NETO2: variants seen among roughly 807,000 people sequenced by gnomAD.
NETO2 encodes the protein neuropilin and tolloid-like protein 2.
A neutral mutation model predicts 62.5 loss-of-function variants in NETO2; 28 were observed. The ratio of observed to expected loss-of-function variants is 0.45; its 90% CI spans 0.33 to 0.61. The LOEUF (loss-of-function observed/expected upper bound fraction) is 0.61. Among genes scored for constraint, NETO2 ranks in the 20% least tolerant of loss-of-function variants. The pLI, the probability that NETO2 is intolerant of heterozygous loss-of-function variation, is 0.02. For missense variants in NETO2, 548 were observed against 643.2 expected (o/e 0.85, Z 1.60); for synonymous variants, 214 against 219.1 (o/e 0.98, Z 0.21).
chr16:47,080,635 T>C lies in NETO2; in HGVS notation c.*2586A>G, dbSNP rs1963046739. 1 of 152,222 alleles carries C rather than the reference T, an allele frequency of 6.6e-6. No homozygotes were observed. The allele number at this position is 152,222 out of a possible 1,614,324, so 9.4% of individuals were successfully genotyped here. A position where few individuals can be genotyped will look rare whatever the true frequency, so the allele number is the denominator to read the frequency against. ...AATGAGATCTAATGCCCATCTATGA[T>C]TCAATGAAGGTGTATAACATGTGAC... On this transcript the variant is annotated 3_prime_UTR_variant, in exon 9 of 9. Coordinates refer to ENST00000562435, the MANE Select transcript of NETO2 (RefSeq NM_018092.5).
chr16:47,122,842 G>A, intron 5 of NETO2, 26 bp downstream of exon 5: 1 of 1,613,930 alleles, frequency 6.2e-7, no homozygotes. Context: ...AAAATGCCAA[G>A]AGGAACAAGT....
At chr16:47,121,571 G>A (rs1964041995) in intron 6 of NETO2, among the ~76,000 whole-genome samples, 1 of 152,152 alleles carries the variant, frequency 6.6e-6, no homozygotes, top group Non-Finnish European at 1.5e-5. Flanking sequence ...AGAAAAACAA[G>A]CTTCTTTGTC....
Position 47,122,791 on chromosome 16 carries a change from G to A in NETO2, c.527-7C>T. The A allele has an allele frequency of 6.2e-7, 1 of 1,613,894 alleles. No homozygotes were observed. The highest frequency in any genetic ancestry group is 1.3e-5 in the African/African-American group (1 of 74,980). On this transcript the variant is annotated splice_region_variant and splice_polypyrimidine_tract_variant and intron_variant, in intron 5 of 8. Transcript: ENST00000562435. ...GAGAGCTCGAACTGACAATCTGGAA[G>A]GAATACATGAAAGGTGTTCAAAGGA...
intron 7 of NETO2, among the ~76,000 whole-genome samples, chr16:47,090,512 G>C (rs939841111): frequency 6.6e-6 from 1 of 152,080 alleles, no homozygotes; most frequent in Non-Finnish European, 1.5e-5. Context: ...TCCACTTATA[G>C]CCTGAGAACT....
At chr16:47,090,051 C>T (rs576117751) in intron 7 of NETO2, among the ~76,000 whole-genome samples, 3 of 152,066 alleles carry the variant, frequency 2.0e-5, no homozygotes, top group East Asian at 1.9e-4. Flanking sequence ...CCTTGACATT[C>T]GGATTTCATG....
chr16:47,136,988 A>T (rs1964372558), intron 1 of NETO2, among the ~76,000 whole-genome samples: 1 of 152,350 alleles, frequency 6.6e-6, no homozygotes, highest in Non-Finnish European at 1.5e-5. Flanking sequence ...CAAAACCCAA[A>T]AATTCAGCCT....
At chr16:47,088,712 C>T (rs1963250205) in intron 7 of NETO2, among the ~76,000 whole-genome samples, 1 of 152,060 alleles carries the variant, frequency 6.6e-6, no homozygotes, top group South Asian at 2.1e-4. Flanking sequence ...TTTCTCCCCT[C>T]CAAAGAGAAG....
chr16:47,103,277 C>T (rs1441982390), intron 7 of NETO2, among the ~76,000 whole-genome samples: 1 of 152,110 alleles, frequency 6.6e-6, no homozygotes, highest in Non-Finnish European at 1.5e-5. Flanking sequence ...AGGAACGTCA[C>T]ACACCGGGGC....
chr16:47,139,041 A>G (rs1596753883), intron 1 of NETO2, among the ~76,000 whole-genome samples: 1 of 151,918 alleles, frequency 6.6e-6, no homozygotes, highest in Non-Finnish European at 1.5e-5. Flanking sequence ...GCTTTACTTC[A>G]TTATTATATT....
rs1964276424 is a variant in NETO2, at chr16:47,132,042, G to A, written c.35-17C>T. 6.3e-7 allele frequency: 1 copy of A among 1,595,764 alleles called. No individual in the cohort carries two copies. Among genetic ancestry groups the A allele is most frequent in the South Asian group, 1.1e-5 (1 of 89,984 alleles). On this transcript the variant is annotated splice_polypyrimidine_tract_variant and intron_variant, in intron 1 of 8. Coordinates refer to ENST00000562435, the MANE Select transcript of NETO2 (RefSeq NM_018092.5). ...TTAACAACACTAGAGAAATAACAGA[G>A]AAGAAAAGTTATGAAATTGAATCTA...
intron 7 of NETO2, among the ~76,000 whole-genome samples, chr16:47,096,311 T>A (rs188541652): frequency 5.9e-5 from 9 of 151,988 alleles, no homozygotes; most frequent in Admixed American, 4.6e-4. Flanking sequence ...TAATAAAGAT[T>A]TGAGTGACAA....
At chr16:47,112,067 T>C (rs1738375934) in intron 6 of NETO2, among the ~76,000 whole-genome samples, 1 of 152,184 alleles carries the variant, frequency 6.6e-6, no homozygotes, top group South Asian at 2.1e-4. Context: ...CTTTTGTATA[T>C]TTATTTTTAA....
intron 3 of NETO2, 117 bp from the exon 4 acceptor site, chr16:47,128,690 T>G: frequency 9.5e-7 from 1 of 1,049,338 alleles, no homozygotes; most frequent in Non-Finnish European, 1.4e-6. Context: ...GACAAAGGTC[T>G]TAGTGAGAAT....
At chr16:47,129,912 A>G (rs545749081) in intron 2 of NETO2, among the ~76,000 whole-genome samples, 1 of 152,348 alleles carries the variant, frequency 6.6e-6, no homozygotes, top group South Asian at 2.1e-4. Context: ...AACTGGCAGT[A>G]CCAGGAAGTG....
rs1167872703 is a variant in NETO2 at position 47,132,125 on chromosome 16, A to G, written c.35-100T>C. 8 of 881,020 alleles carry G rather than the reference A, an allele frequency of 9.1e-6. No individual in the cohort carries two copies. The East Asian group carries it at 2.1e-4, about 23-fold the overall frequency. The allele number at this position is 881,020 out of a possible 1,614,324, so 54.6% of individuals were successfully genotyped here. On this transcript the variant is annotated intron_variant, in intron 1 of 8. Transcript: ENST00000562435. Reference sequence around the variant, plus strand: ...GGATGACAAAAAAAGATTAACTAAAATCACTATTTATTACTCAAAATTCAC... The same window carrying G: ...GGATGACAAAAAAAGATTAACTAAAGTCACTATTTATTACTCAAAATTCAC...
intron 7 of NETO2, among the ~76,000 whole-genome samples, chr16:47,101,278 C>T (rs1021650811): frequency 1.3e-5 from 2 of 152,096 alleles, no homozygotes; most frequent in Admixed American, 6.5e-5. Flanking sequence ...ATTGATGGAA[C>T]GTATCTCCAA....
Position 47,086,718 on chromosome 16 carries a change from G to A in NETO2, c.884-379C>T, listed in dbSNP as rs1018682451. 2.6e-5 allele frequency among the ~76,000 whole-genome samples: 4 copies of A among 152,120 alleles called. No homozygotes were observed. In the East Asian group the frequency reaches 7.7e-4, roughly 29 times the overall value. The stretch of plus-strand genomic sequence containing the variant: ...AATGTAAGATGGTGCAGTCATTGTG[G>A]AAAATTATCTGGAGGCTCCTCAAAA... On this transcript the variant is annotated intron_variant, in intron 7 of 8. Coordinates refer to ENST00000562435, the MANE Select transcript of NETO2 (RefSeq NM_018092.5).
At chr16:47,113,085 C>T (rs1039918635) in intron 6 of NETO2, among the ~76,000 whole-genome samples, 9 of 152,134 alleles carry the variant, frequency 5.9e-5, no homozygotes, top group Admixed American at 2.0e-4. Flanking sequence ...ACAGGTATGA[C>T]GATTTCATTT....
chr16:47,142,514 A>C (rs542594778), intron 1 of NETO2, among the ~76,000 whole-genome samples: 4 of 152,364 alleles, frequency 2.6e-5, no homozygotes, highest in Admixed American at 2.0e-4. Context: ...AAATATTAAG[A>C]TACAGTGCTG....
Sources: allele counts gnomAD v4.1 joint callset (sites outside exome capture counted in the v4.1 genomes callset), GRCh38; gene constraint gnomAD v4.1.1; transcripts MANE v1.5; gene names NCBI Gene and HGNC (gene_info 2026-07-23, HGNC 2026-07-21).